The following WBP2NL variants were observed in gnomAD, a reference collection of about 807,000 sequenced individuals.
WBP2NL encodes WBP2 N-terminal like, also known as postacrosomal sheath WW domain-binding protein.
WBP2NL carries 27 observed loss-of-function variants against 23.3 expected under a neutral mutation model. The observed-to-expected ratio is 1.16, with a 90% CI of 0.85 to 1.60. The LOEUF is 1.60. Among genes scored for constraint, WBP2NL ranks in the 40% most tolerant of loss-of-function variants. The pLI is 0.00. For missense variants in WBP2NL, 370 were observed against 389.5 expected (o/e 0.95, Z 0.42); for synonymous variants, 151 against 145.9 (o/e 1.03, Z -0.25).
At chr22:42,037,594 C>T (rs1447052233), downstream of WBP2NL, among the ~76,000 whole-genome samples, 1 of 151,946 alleles carries the variant, frequency 6.6e-6, no homozygotes, top group Non-Finnish European at 1.5e-5. Context: ...AGATGTCTTT[C>T]CACTTATTTG....
At chr22:42,045,924 G>A in intron 8 of WBP2NL, among the ~76,000 whole-genome samples, 1 of 152,220 alleles carries the variant, frequency 6.6e-6, no homozygotes, top group East Asian at 1.9e-4. Context: ...AGTTGTTGAA[G>A]CTACTTGTTG....
chr22:42,008,945 A>AT (rs1005869105), intron 1 of WBP2NL, among the ~76,000 whole-genome samples: 1 of 151,852 alleles, frequency 6.6e-6, no homozygotes, highest in Non-Finnish European at 1.5e-5. Context: ...CGCCCGGCTA[A>AT]TTTTTTCTAT....
chr22:42,022,526 C>G (rs942061483), intron 5 of WBP2NL, among the ~76,000 whole-genome samples, 170 bp downstream of exon 5: 12 of 152,354 alleles, frequency 7.9e-5, no homozygotes, highest in Non-Finnish European at 1.8e-4. Flanking sequence ...GTGGCAAAGT[C>G]AGCAAGTGAC....
downstream of WBP2NL, chr22:42,032,764 C>T (rs1188050729): frequency 2.1e-6 from 1 of 470,204 alleles, no homozygotes; most frequent in Non-Finnish European, 4.4e-6. Context: ...TTTGAAGCTT[C>T]CTAAATGGAT....
rs538204968 is a variant in WBP2NL at position 42,051,335 on chromosome 22, G to T, written c.*274-6955G>T. 2.6e-3 allele frequency among the ~76,000 whole-genome samples: 394 copies of T among 152,228 alleles called. 3 individuals are homozygous for T. Among genetic ancestry groups the T allele is most frequent in the Non-Finnish European group, 3.1e-3 (209 of 68,022 alleles). On this transcript the variant is annotated intron_variant and NMD_transcript_variant, in intron 8 of 8. Transcript: ENST00000436265. The stretch of plus-strand genomic sequence containing the variant: ...GTGAAAAGATCAGTGATGGCCAGGA[G>T]TGGGGGAGAGGGAAGGGAGGGAGGG...
rs959144038 is a variant in WBP2NL, at chr22:42,038,569, A to G, written c.*273+7746A>G. 2.0e-5 allele frequency among the ~76,000 whole-genome samples: 3 copies of G among 152,098 alleles called. No homozygotes were observed. In the South Asian group the frequency reaches 6.2e-4, roughly 31 times the overall value. On this transcript the variant is annotated intron_variant and NMD_transcript_variant, in intron 8 of 8. Coordinates refer to the WBP2NL transcript ENST00000436265. Reference sequence around the variant, plus strand: ...TCTTTGAATATTTGGTAGAATTAGCATATGAAACCATCCGGTCTTGGGCAT... The same window carrying G: ...TCTTTGAATATTTGGTAGAATTAGCGTATGAAACCATCCGGTCTTGGGCAT...
intron 1 of WBP2NL, among the ~76,000 whole-genome samples, chr22:42,006,745 A>G (rs1262969082): frequency 6.6e-6 from 1 of 152,198 alleles, no homozygotes; most frequent in African/African-American, 2.4e-5. Context: ...TTTTAATTCC[A>G]TGAACTGTTC....
chr22:42,006,746 T>G (rs1194087153), intron 1 of WBP2NL, among the ~76,000 whole-genome samples: 7 of 152,212 alleles, frequency 4.6e-5, no homozygotes, highest in Admixed American at 4.6e-4. Flanking sequence ...TTTAATTCCA[T>G]GAACTGTTCG....
At chr22:42,042,535 C>T (rs930316328) in intron 8 of WBP2NL, among the ~76,000 whole-genome samples, 1 of 152,150 alleles carries the variant, frequency 6.6e-6, no homozygotes, top group Middle Eastern at 3.2e-3. Flanking sequence ...CTGAACTTCT[C>T]ATTTCATTCT....
At position 42,028,325 on chromosome 22, in the gene WBP2NL, G is replaced by T. The variant is rs887976590; in HGVS notation, c.*1144G>T. On this transcript the variant is annotated 3_prime_UTR_variant, in exon 6 of 6. Transcript: ENST00000328823. ...CAAATATTTATATTTTATAACAAAC[G>T]TTTATATTTGTATATTTATAACAAA... The T allele has an allele frequency of 2.9e-6, 1 of 346,844 alleles. No homozygotes were observed. Among genetic ancestry groups the T allele is most frequent in the Admixed American group, 4.7e-5 (1 of 21,382 alleles). The allele number at this position is 346,844 out of a possible 1,614,324, so 21.5% of individuals were successfully genotyped here. A position where few individuals can be genotyped will look rare whatever the true frequency, so the allele number is the denominator to read the frequency against.
chr22:42,032,950 G>T (rs1003665115), downstream of WBP2NL: 1 of 186,892 alleles, frequency 5.4e-6, no homozygotes, highest in African/African-American at 2.4e-5. Flanking sequence ...TATCTTTGGG[G>T]TGTCACTTTT....
intron 1 of WBP2NL, among the ~76,000 whole-genome samples, chr22:42,012,392 TG>T (rs1173870114): frequency 2.6e-5 from 4 of 152,166 alleles, no homozygotes; most frequent in Non-Finnish European, 4.4e-5. Context: ...CCATAAGCTT[TG>T]GTATGTTGTG....
At chr22:42,002,397 A>G (rs1332338777) in intron 1 of WBP2NL, among the ~76,000 whole-genome samples, 3 of 152,178 alleles carry the variant, frequency 2.0e-5, no homozygotes, top group African/African-American at 7.2e-5. Context: ...AGCCTGGCCA[A>G]CATGGTGAAA....
At chr22:42,053,933 T>C (rs1925934458) in intron 8 of WBP2NL, among the ~76,000 whole-genome samples, 1 of 152,180 alleles carries the variant, frequency 6.6e-6, no homozygotes, top group Non-Finnish European at 1.5e-5. Flanking sequence ...CATCCCATCC[T>C]GCGAGTTGTC....
intron 1 of WBP2NL, among the ~76,000 whole-genome samples, chr22:42,006,782 C>G (rs954596400): frequency 1.3e-4 from 20 of 152,182 alleles, no homozygotes; most frequent in African/African-American, 4.6e-4. Context: ...TTTGACTCCT[C>G]TTGCCTATTC....
intron 5 of WBP2NL, among the ~76,000 whole-genome samples, chr22:42,023,989 C>T (rs1373785883): frequency 1.3e-5 from 2 of 152,172 alleles, no homozygotes; most frequent in Non-Finnish European, 2.9e-5. Context: ...AGAAGTTATT[C>T]CCCATTGTCC....
At chr22:42,049,996 AAAAAGT>A (rs1378219406) in intron 8 of WBP2NL, among the ~76,000 whole-genome samples, 1 of 149,862 alleles carries the variant, frequency 6.7e-6, no homozygotes, top group Non-Finnish European at 1.5e-5. Flanking sequence ...AAAAAAAAAA[AAAAAGT>A]GGCACATTTT....
intron 5 of WBP2NL, among the ~76,000 whole-genome samples, chr22:42,023,584 C>A (rs964950773): frequency 1.3e-5 from 2 of 151,850 alleles, no homozygotes; most frequent in African/African-American, 2.4e-5. Flanking sequence ...CTCCACCTCC[C>A]GGGTTCACGC....
Position 42,019,298 on chromosome 22 carries a change from T to A in WBP2NL, c.63-13T>A. 1 of 1,607,070 alleles carries A rather than the reference T, an allele frequency of 6.2e-7. No homozygotes were observed. Among genetic ancestry groups the A allele is most frequent in the Non-Finnish European group, 8.5e-7 (1 of 1,176,606 alleles). On this transcript the variant is annotated splice_polypyrimidine_tract_variant and intron_variant, in intron 1 of 5. Transcript: ENST00000328823. ...TTCTTTATTGTGTGCCGTCTGTTCCTCATTTTCTACAGTCTCTTGAAGCGG... is the reference window on the plus strand; with the variant it reads ...TTCTTTATTGTGTGCCGTCTGTTCCACATTTTCTACAGTCTCTTGAAGCGG...
Sources: gnomAD v4.1 joint callset for allele counts (sites outside exome capture counted in the v4.1 genomes callset) on GRCh38, gnomAD v4.1.1 for gene constraint, MANE v1.5 for transcripts, NCBI Gene and HGNC (gene_info 2026-07-23, HGNC 2026-07-21) for gene names.